The following NFIA variants were observed in gnomAD, a reference collection of about 807,000 sequenced individuals.
NFIA encodes nuclear factor 1 A-type.
Under a neutral mutation model 62.8 loss-of-function variants are expected in NFIA, and 8 were observed. The observed-to-expected ratio is 0.13, with a 90% CI of 0.07 to 0.23. NFIA has a LOEUF of 0.23. NFIA is among the 10% of genes least tolerant of loss of function. The probability of loss-of-function intolerance (pLI) is 1.00; values close to 1 mark genes in which losing one functional copy is unlikely to be tolerated. For missense variants in NFIA, 410 were observed against 642.1 expected, an observed-to-expected ratio of 0.64 and a Z score of 3.91; for synonymous variants, 235 against 238.1, an observed-to-expected ratio of 0.99 and a Z score of 0.12.
intron 2 of NFIA, among the ~76,000 whole-genome samples, chr1:61,192,829 T>A (rs1027686444): frequency 6.6e-6 from 1 of 152,186 alleles, no homozygotes; most frequent in Non-Finnish European, 1.5e-5. Context: ...GTATTTCTGA[T>A]CTAAAGAGGA....
At chr1:61,107,920 C>T (rs1646631869) in intron 2 of NFIA, among the ~76,000 whole-genome samples, 1 of 151,358 alleles carries the variant, frequency 6.6e-6, no homozygotes, top group Non-Finnish European at 1.5e-5. Context: ...TCTCTATTCC[C>T]CAAATAATGT....
intron 9 of NFIA, among the ~76,000 whole-genome samples, chr1:61,419,443 C>T (rs1475268342): frequency 6.6e-6 from 1 of 152,088 alleles, no homozygotes; most frequent in Non-Finnish European, 1.5e-5. Context: ...GTCTCTAAAA[C>T]AAAAGATTGG....
chr1:61,147,176 C>A (rs928197769), intron 2 of NFIA, among the ~76,000 whole-genome samples: 4 of 150,114 alleles, frequency 2.7e-5, no homozygotes, highest in Non-Finnish European at 4.4e-5. Flanking sequence ...TTTGAGATGG[C>A]GTCTTGCTCT....
At chr1:61,383,562 C>T (rs1032622396) in intron 7 of NFIA, among the ~76,000 whole-genome samples, 197 bp downstream of exon 7, 1 of 152,144 alleles carries the variant, frequency 6.6e-6, no homozygotes, top group African/African-American at 2.4e-5. Context: ...TTTCCTAAGG[C>T]AAAAAGAGAC....
At chr1:61,136,057 T>G (rs1647182117) in intron 2 of NFIA, among the ~76,000 whole-genome samples, 1 of 152,240 alleles carries the variant, frequency 6.6e-6, no homozygotes, top group Non-Finnish European at 1.5e-5. Context: ...ATATACTACA[T>G]CATGTAATAT....
chr1:61,161,134 C>T (rs545222803), intron 2 of NFIA, among the ~76,000 whole-genome samples: 4 of 152,298 alleles, frequency 2.6e-5, no homozygotes, highest in African/African-American at 4.8e-5. Context: ...AGGCTGGTCT[C>T]GAACTCCTGA....
intron 2 of NFIA, among the ~76,000 whole-genome samples, chr1:61,179,442 C>G (rs998094444): frequency 6.6e-6 from 1 of 152,198 alleles, no homozygotes; most frequent in Non-Finnish European, 1.5e-5. Flanking sequence ...GTTTTCTCAG[C>G]TATAAAGTGG....
At chr1:61,121,517 A>AT (rs1271958402) in intron 2 of NFIA, among the ~76,000 whole-genome samples, 4 of 152,026 alleles carry the variant, frequency 2.6e-5, no homozygotes, top group African/African-American at 9.7e-5. Context: ...AAATTAAAAT[A>AT]TTTTTTCTGT....
In NFIA at chr1:61,088,827, C is replaced by T. The variant is rs561542086; in HGVS notation, c.559+147C>T. The T allele has an allele frequency of 3.9e-5, 35 of 891,298 alleles. No homozygotes were observed. In the African/African-American group the frequency reaches 4.2e-4, roughly 11 times the overall value. The allele number at this position is 891,298 out of a possible 1,614,324, so 55.2% of individuals were successfully genotyped here. A position where few individuals can be genotyped will look rare whatever the true frequency, so the allele number is the denominator to read the frequency against. On this transcript the variant is annotated intron_variant, in intron 2 of 10. Transcript: ENST00000403491. This position sits in a 1 kb window ranked among gnomAD's most constrained non-coding sequence, Gnocchi z 4.5. Reference sequence around the variant, plus strand: ...GTGGTTTCAAAGATTGAGAGAGGTGCCACCTTCATTCAGGTGAAAAAGCAT... The same window carrying T: ...GTGGTTTCAAAGATTGAGAGAGGTGTCACCTTCATTCAGGTGAAAAAGCAT...
chr1:61,311,705 CAT>C (rs563980458), intron 3 of NFIA, among the ~76,000 whole-genome samples: 5 of 152,302 alleles, frequency 3.3e-5, no homozygotes, highest in Non-Finnish European at 5.9e-5. Context: ...GAAGAACTAA[CAT>C]ATTGAATTCC....
At chr1:61,197,655 T>C (rs565738453) in intron 2 of NFIA, among the ~76,000 whole-genome samples, 6 of 152,258 alleles carry the variant, frequency 3.9e-5, no homozygotes, top group Non-Finnish European at 8.8e-5. Context: ...TTGTTATTAT[T>C]CAAGTTACTG....
intron 2 of NFIA, among the ~76,000 whole-genome samples, chr1:61,097,821 T>C (rs1317286640): frequency 6.6e-6 from 1 of 152,198 alleles, no homozygotes; most frequent in Non-Finnish European, 1.5e-5. Context: ...ATATTGTACA[T>C]ACAGGGTCCC....
chr1:61,392,858 C>T (rs1665050292), intron 7 of NFIA, among the ~76,000 whole-genome samples: 2 of 152,232 alleles, frequency 1.3e-5, no homozygotes, highest in South Asian at 4.1e-4. Context: ...AACTCATCTT[C>T]ACAAAAGAAG....
chr1:61,436,222 C>G (rs373406098), intron 10 of NFIA, among the ~76,000 whole-genome samples: 1 of 152,094 alleles, frequency 6.6e-6, no homozygotes, highest in African/African-American at 2.4e-5. Context: ...TTCTGGGTTT[C>G]TCTTTTATGA....
intron 6 of NFIA, among the ~76,000 whole-genome samples, chr1:61,365,633 C>T (rs1190575505): frequency 6.6e-6 from 1 of 152,096 alleles, no homozygotes; most frequent in Non-Finnish European, 1.5e-5. Flanking sequence ...GTTGTTGAAT[C>T]CTTATTAAGT....
chr1:61,392,208 A>G (rs970267910), intron 7 of NFIA, among the ~76,000 whole-genome samples: 1 of 151,910 alleles, frequency 6.6e-6, no homozygotes, highest in Non-Finnish European at 1.5e-5. Context: ...CTAAAGAAAA[A>G]GCAGCTTTTT....
intron 2 of NFIA, among the ~76,000 whole-genome samples, chr1:61,238,452 G>C (rs1373486945): frequency 1.3e-5 from 2 of 152,182 alleles, no homozygotes; most frequent in African/African-American, 2.4e-5. Flanking sequence ...ATATGTTTTA[G>C]TTTTGCAGTT....
chr1:61,120,264 A>T (rs1257459850), intron 2 of NFIA, among the ~76,000 whole-genome samples: 1 of 152,230 alleles, frequency 6.6e-6, no homozygotes, highest in East Asian at 1.9e-4. Flanking sequence ...ATAATATGAA[A>T]TTCAATAAGT....
chr1:61,152,686 A>C (rs67226744), intron 2 of NFIA, among the ~76,000 whole-genome samples: 14,373 of 152,240 alleles, frequency 0.094, 803 homozygotes, highest in African/African-American at 0.12. Flanking sequence ...GATATAAAAA[A>C]TAAAGTCCAG....
Sources: allele counts gnomAD v4.1 joint callset (sites outside exome capture counted in the v4.1 genomes callset), GRCh38; gene constraint gnomAD v4.1.1; non-coding constraint Gnocchi (gnomAD v3.1); transcripts MANE v1.5; gene names NCBI Gene and HGNC (gene_info 2026-07-23, HGNC 2026-07-21).